ANKRD17: variants seen among roughly 807,000 people sequenced by gnomAD.
ANKRD17 encodes ankyrin repeat domain-containing protein 17.
Under a neutral mutation model 229.7 loss-of-function variants are expected in ANKRD17, and 19 were observed. The ratio of observed to expected loss-of-function variants is 0.08; its 90% confidence interval spans 0.06 to 0.12. The LOEUF (loss-of-function observed/expected upper bound fraction) is 0.12, where lower values mean the gene tolerates loss of function less well. Ranked by LOEUF, ANKRD17 falls within the 10% of genes least tolerant of loss-of-function variation. ANKRD17 has a pLI of 1.00. For synonymous variants in ANKRD17, 1,112 were observed against 1,146.1 expected, an observed-to-expected ratio of 0.97 and a Z score of 0.60; for missense variants, 2,176 against 3,176.8, an observed-to-expected ratio of 0.68 and a Z score of 7.57.
At chr4:73,161,427 C>A in intron 2 of ANKRD17, 79 bp from the exon 3 acceptor site, 2 of 1,439,466 alleles carry the variant, frequency 1.4e-6, no homozygotes, top group Non-Finnish European at 1.9e-6. Context: ...TAAAGCTATA[C>A]TGTGTATGTT....
intron 1 of ANKRD17, among the ~76,000 whole-genome samples, chr4:73,208,192 A>G (rs1439166056): frequency 2.0e-5 from 3 of 150,470 alleles, no homozygotes; most frequent in Non-Finnish European, 4.4e-5. Context: ...CCGTCTCAAA[A>G]AAAAAAAAAA....
At chr4:73,081,403 T>G (rs1398858325) in intron 30 of ANKRD17, among the ~76,000 whole-genome samples, 1 of 152,190 alleles carries the variant, frequency 6.6e-6, no homozygotes, top group Non-Finnish European at 1.5e-5. Context: ...TCCTGGACGG[T>G]TTGGAAAATG....
intron 1 of ANKRD17, among the ~76,000 whole-genome samples, chr4:73,182,720 A>ACTTCTAAGTAC (rs1735743254): frequency 6.6e-6 from 1 of 152,234 alleles, no homozygotes; most frequent in Non-Finnish European, 1.5e-5. Context: ...TAGACGTGTA[A>ACTTCTAAGTAC]ATAACTTCCA....
At chr4:73,241,341 C>A (rs1262476122) in intron 1 of ANKRD17, among the ~76,000 whole-genome samples, 1 of 151,860 alleles carries the variant, frequency 6.6e-6, no homozygotes, top group Non-Finnish European at 1.5e-5. Context: ...GGCACACTAG[C>A]CAAGAGATGG....
chr4:73,258,789 C>A lies in ANKRD17; in HGVS notation c.-121G>T, dbSNP rs1560800780. 1.5e-6 allele frequency: 2 copies of A among 1,330,666 alleles called. No individual in the cohort carries two copies. Among genetic ancestry groups the A allele is most frequent in the Non-Finnish European group, 1.9e-6 (2 of 1,047,400 alleles). The allele number at this position is 1,330,666 out of a possible 1,614,324, so 82.4% of individuals were successfully genotyped here. On this transcript the variant is annotated 5_prime_UTR_variant, in exon 1 of 34. Coordinates refer to ENST00000358602, the MANE Select transcript of ANKRD17 (RefSeq NM_032217.5). ...CCGCCTCCGCCGCCACCGCCTCGGT[C>A]ACCTCTACTGCCGCCGCCGCCGCCG...
intron 1 of ANKRD17, among the ~76,000 whole-genome samples, chr4:73,211,122 C>T (rs545610700): frequency 4.6e-5 from 7 of 151,896 alleles, no homozygotes; most frequent in Non-Finnish European, 8.8e-5. Flanking sequence ...TATAGTCAAG[C>T]ACATAATACA....
At chr4:73,119,884 T>C (rs562963056) in intron 21 of ANKRD17, among the ~76,000 whole-genome samples, 2 of 152,298 alleles carry the variant, frequency 1.3e-5, no homozygotes, top group East Asian at 3.9e-4. Context: ...GTATGTCTGA[T>C]AACAGATGGA....
intron 15 of ANKRD17, among the ~76,000 whole-genome samples, chr4:73,139,267 C>T (rs1729308777): frequency 6.6e-6 from 1 of 152,116 alleles, no homozygotes; most frequent in Admixed American, 6.5e-5. Flanking sequence ...AAAAATCAAA[C>T]ATCAACCCCA....
chr4:73,125,074 G>C lies in ANKRD17; in HGVS notation c.3347-16C>G, dbSNP rs1374646350. 4 of 1,613,760 alleles carry C rather than the reference G, an allele frequency of 2.5e-6. No individual in the cohort carries two copies. Among genetic ancestry groups the C allele is most frequent in the Non-Finnish European group, 3.4e-6 (4 of 1,179,908 alleles). ...GGAGTAAAACCTGGAGAAAAATAATGATCTTCTCACTACATGCTAAGGCAA... is the reference window on the plus strand; with the variant it reads ...GGAGTAAAACCTGGAGAAAAATAATCATCTTCTCACTACATGCTAAGGCAA... On this transcript the variant is annotated splice_polypyrimidine_tract_variant and intron_variant, in intron 17 of 33. Transcript: ENST00000358602.
chr4:73,110,513 T>C (rs1273890063), intron 24 of ANKRD17, among the ~76,000 whole-genome samples: 1 of 152,190 alleles, frequency 6.6e-6, no homozygotes, highest in Admixed American at 6.5e-5. Context: ...TTAGAAAGAC[T>C]GACCAAAGAA....
At chr4:73,148,600 T>C (rs758633770) in intron 8 of ANKRD17, among the ~76,000 whole-genome samples, 6 of 152,230 alleles carry the variant, frequency 3.9e-5, no homozygotes, top group Non-Finnish European at 5.9e-5. Flanking sequence ...ATATAGCACA[T>C]GATGTCTCTG....
chr4:73,115,568 G>A (rs1324456687), intron 23 of ANKRD17, among the ~76,000 whole-genome samples: 1 of 152,126 alleles, frequency 6.6e-6, no homozygotes, highest in African/African-American at 2.4e-5. Flanking sequence ...GGGATTACAA[G>A]GGTGAGCCAC....
Position 73,085,457 on chromosome 4 carries a change from G to C in ANKRD17, c.6962-11C>G. On this transcript the variant is annotated splice_polypyrimidine_tract_variant and intron_variant, in intron 29 of 33. Coordinates refer to ENST00000358602, the MANE Select transcript of ANKRD17 (RefSeq NM_032217.5). ...CCATATTGACAATACCTATAATGTA[G>C]AAGGTCATCATAATTTATAATAGTT... 6.2e-7 allele frequency: 1 copy of C among 1,604,862 alleles called. No individual in the cohort carries two copies. Among genetic ancestry groups the C allele is most frequent in the Non-Finnish European group, 8.5e-7 (1 of 1,171,826 alleles).
At chr4:73,145,172 C>T (rs1730098694) in intron 10 of ANKRD17, among the ~76,000 whole-genome samples, 1 of 152,068 alleles carries the variant, frequency 6.6e-6, no homozygotes. Context: ...CTTGAATATG[C>T]ATGTATGGTA....
At chr4:73,139,309 A>G (rs1729315546) in intron 15 of ANKRD17, among the ~76,000 whole-genome samples, 1 of 152,228 alleles carries the variant, frequency 6.6e-6, no homozygotes, top group Non-Finnish European at 1.5e-5. Flanking sequence ...CAAGCTACCA[A>G]GCTAAGCCAG....
At chr4:73,178,277 A>G (rs369604705) in intron 1 of ANKRD17, among the ~76,000 whole-genome samples, 5 of 152,292 alleles carry the variant, frequency 3.3e-5, no homozygotes, top group African/African-American at 1.2e-4. Flanking sequence ...AAAAAAGGCT[A>G]ATTCACCTCA....
intron 6 of ANKRD17, among the ~76,000 whole-genome samples, chr4:73,153,582 C>T (rs1278536884): frequency 6.6e-6 from 1 of 152,104 alleles, no homozygotes; most frequent in East Asian, 1.9e-4. Flanking sequence ...CCCCTTCATA[C>T]CAAGCAAAAT....
At chr4:73,198,595 T>G (rs1221958139) in intron 1 of ANKRD17, among the ~76,000 whole-genome samples, 1 of 152,130 alleles carries the variant, frequency 6.6e-6, no homozygotes, top group Admixed American at 6.5e-5. Flanking sequence ...TAGTCATGAC[T>G]CAACATTACT....
At chr4:73,236,656 T>TG (rs1743542166) in intron 1 of ANKRD17, among the ~76,000 whole-genome samples, 1 of 151,248 alleles carries the variant, frequency 6.6e-6, no homozygotes, top group Admixed American at 6.6e-5. Context: ...TGATCCTGAC[T>TG]GGGAAAAAAA....
Sources: allele counts gnomAD v4.1 joint callset (sites outside exome capture counted in the v4.1 genomes callset), GRCh38; gene constraint gnomAD v4.1.1; transcripts MANE v1.5; gene names NCBI Gene and HGNC (gene_info 2026-07-23, HGNC 2026-07-21).